The following RSRC1 variants were observed in gnomAD, a reference collection of about 807,000 sequenced individuals.
RSRC1 encodes the protein serine/Arginine-related protein 53.
In RSRC1, 39 loss-of-function variants were observed where a neutral mutation model predicts 49.1. That is an observed-to-expected ratio of 0.79 (90% CI 0.61 to 1.04). The LOEUF (loss-of-function observed/expected upper bound fraction) is 1.04, where lower values mean the gene tolerates loss of function less well. RSRC1 is among the 50% of genes least tolerant of loss of function. The probability of loss-of-function intolerance (pLI) is 0.00; values close to 1 mark genes in which losing one functional copy is unlikely to be tolerated. For missense variants in RSRC1, 388 were observed against 402.4 expected, an observed-to-expected ratio of 0.96 and a Z score of 0.31; for synonymous variants, 143 against 130.8, an observed-to-expected ratio of 1.09 and a Z score of -0.63.
At chr3:158,496,771 C>A (rs1739341823) in intron 7 of RSRC1, 4 of 277,274 alleles carry the variant, frequency 1.4e-5, no homozygotes, top group Non-Finnish European at 3.1e-5. Flanking sequence ...CCAAATCTAC[C>A]TAAGTAAGGT....
At chr3:158,139,934 G>A (rs1362853083) in intron 3 of RSRC1, among the ~76,000 whole-genome samples, 3 of 152,100 alleles carry the variant, frequency 2.0e-5, no homozygotes, top group Non-Finnish European at 4.4e-5. Context: ...TGCTGGGCCT[G>A]AATATCCAAT....
intron 6 of RSRC1, among the ~76,000 whole-genome samples, chr3:158,405,719 G>C (rs1341710618): frequency 2.0e-5 from 3 of 152,068 alleles, no homozygotes; most frequent in African/African-American, 7.2e-5. Context: ...GATGCCATTT[G>C]GGCATTAGCA....
chr3:158,328,503 G>C (rs1729322878), intron 5 of RSRC1, among the ~76,000 whole-genome samples: 1 of 152,098 alleles, frequency 6.6e-6, no homozygotes. Flanking sequence ...AGCTTATTTT[G>C]GCTGGATATG....
intron 1 of RSRC1, among the ~76,000 whole-genome samples, chr3:158,120,607 A>G (rs1715186768): frequency 6.8e-6 from 1 of 147,210 alleles, no homozygotes. Flanking sequence ...TATATAGTTA[A>G]TATTTAATAT....
chr3:158,376,460 C>T (rs748598725), intron 6 of RSRC1, among the ~76,000 whole-genome samples: 1 of 151,960 alleles, frequency 6.6e-6, no homozygotes, highest in East Asian at 1.9e-4. Flanking sequence ...CCATGCCCAG[C>T]CCCTGTGTAG....
intron 6 of RSRC1, among the ~76,000 whole-genome samples, chr3:158,418,503 A>C (rs1734868022): frequency 1.3e-5 from 2 of 151,914 alleles, no homozygotes; most frequent in African/African-American, 4.8e-5. Flanking sequence ...TACATGATTG[A>C]TTCAGGGGTG....
intron 5 of RSRC1, among the ~76,000 whole-genome samples, chr3:158,327,804 G>T (rs1285120917): frequency 1.3e-5 from 2 of 152,198 alleles, no homozygotes; most frequent in South Asian, 4.2e-4. Flanking sequence ...TTTCTGTCTT[G>T]TTGATCTGTC....
At chr3:158,270,040 G>A (rs911049030) in intron 4 of RSRC1, among the ~76,000 whole-genome samples, 6 of 152,114 alleles carry the variant, frequency 3.9e-5, no homozygotes, top group African/African-American at 1.2e-4. Context: ...CCTGGTATCA[G>A]TGTGAGTAAT....
At chr3:158,127,557 G>A (rs891329036) in intron 3 of RSRC1, among the ~76,000 whole-genome samples, 1 of 151,540 alleles carries the variant, frequency 6.6e-6, no homozygotes, top group Non-Finnish European at 1.5e-5. Flanking sequence ...TGATAGTCTT[G>A]ATTTTGTTTA....
intron 3 of RSRC1, among the ~76,000 whole-genome samples, chr3:158,149,781 T>C (rs915565081): frequency 2.0e-4 from 30 of 152,186 alleles, no homozygotes; most frequent in African/African-American, 6.5e-4. Context: ...ATCAAGTAAC[T>C]ACCATGTCTA....
intron 4 of RSRC1, among the ~76,000 whole-genome samples, chr3:158,252,923 T>C (rs1398426288): frequency 6.6e-6 from 1 of 152,130 alleles, no homozygotes; most frequent in East Asian, 1.9e-4. Context: ...GTGGTATCAG[T>C]TGTAGTGTCT....
intron 6 of RSRC1, among the ~76,000 whole-genome samples, chr3:158,396,666 G>A (rs558472058): frequency 7.9e-5 from 12 of 152,086 alleles, no homozygotes; most frequent in Admixed American, 2.0e-4. Flanking sequence ...CTGTAGTGCC[G>A]TGGTATGAGT....
chr3:158,187,486 A>G (rs1381882984), intron 3 of RSRC1, among the ~76,000 whole-genome samples: 1 of 152,052 alleles, frequency 6.6e-6, no homozygotes, highest in East Asian at 1.9e-4. Context: ...ATAGGTCCAA[A>G]TAAATGTTTC....
In RSRC1 at chr3:158,544,270, G is replaced by A; in HGVS notation, c.1000G>A (p.Ala334Thr). 6.2e-7 allele frequency: 1 copy of A among 1,601,374 alleles called. No individual in the cohort carries two copies. Among genetic ancestry groups the A allele is most frequent in the Non-Finnish European group, 8.5e-7 (1 of 1,169,778 alleles). ...AGAAAGACTAATGGGCAGTCCTGTG[G>A]CCTAAGTAATATACATATAGTTGGA... is the stretch of plus-strand genomic sequence containing the variant. ...RQERLMGSPV[A>T] The change falls in exon 10 of 10, where the codon GCC (alanine) becomes ACC (threonine). Residue 334 changes from alanine (A) to threonine (T), a missense_variant. Ala to Thr is a moderately conservative substitution (Grantham distance 58). Coordinates refer to ENST00000611884, the MANE Select transcript of RSRC1 (RefSeq NM_001271838.2).
intron 5 of RSRC1, among the ~76,000 whole-genome samples, chr3:158,316,709 G>A (rs1350185634): frequency 1.3e-5 from 2 of 152,060 alleles, no homozygotes; most frequent in African/African-American, 4.8e-5. Context: ...CTCCCAAAGT[G>A]CTGGGATTAC....
At chr3:158,349,072 T>C (rs1279600479) in intron 5 of RSRC1, among the ~76,000 whole-genome samples, 1 of 146,432 alleles carries the variant, frequency 6.8e-6, no homozygotes, top group African/African-American at 2.8e-5. Flanking sequence ...TATAGAATGA[T>C]CTCTTTTTTT....
intron 8 of RSRC1, among the ~76,000 whole-genome samples, chr3:158,540,794 CTT>C (rs1471709880): frequency 1.3e-5 from 2 of 152,186 alleles, no homozygotes; most frequent in African/African-American, 2.4e-5. Context: ...AATAATTAGA[CTT>C]TACTGACCAT....
intron 6 of RSRC1, among the ~76,000 whole-genome samples, chr3:158,439,641 A>C (rs1056958541): frequency 8.5e-5 from 13 of 152,050 alleles, no homozygotes; most frequent in African/African-American, 3.1e-4. Context: ...AGGACGGGGA[A>C]CATCACACAC....
Position 158,499,434 on chromosome 3 carries a change from T to C in RSRC1, c.653-37658T>C, listed in dbSNP as rs1739495390. ...TCTGTGAAGAATGATGGTGGTATTT[T>C]GATGGGGATTGCACTGAATTTGTAG... On this transcript the variant is annotated intron_variant, in intron 7 of 9. Transcript: ENST00000611884. 2.0e-5 allele frequency among the ~76,000 whole-genome samples: 3 copies of C among 152,072 alleles called. No individual in the cohort carries two copies. The South Asian group carries it at 6.2e-4, about 32-fold the overall frequency.
Sources: allele counts gnomAD v4.1 joint callset (sites outside exome capture counted in the v4.1 genomes callset), GRCh38; gene constraint gnomAD v4.1.1; transcripts MANE v1.5; gene names NCBI Gene and HGNC (gene_info 2026-07-23, HGNC 2026-07-21).